ANKRD24: variants seen among roughly 807,000 people sequenced by gnomAD.
The protein encoded by ANKRD24 is ankyrin repeat domain-containing protein 24.
Under a neutral mutation model 127.8 loss-of-function variants are expected in ANKRD24, and 109 were observed. That is an observed-to-expected ratio of 0.85 (90% CI 0.73 to 1.00). ANKRD24 has a LOEUF of 1.00. Among genes scored for constraint, ANKRD24 ranks in the 50% least tolerant of loss-of-function variants. ANKRD24 has a pLI of 0.00. For synonymous variants in ANKRD24, 743 were observed against 671.1 expected, an observed-to-expected ratio of 1.11 and a Z score of -1.66; for missense variants, 1,648 against 1,570.2, an observed-to-expected ratio of 1.05 and a Z score of -0.84.
intron 14 of ANKRD24, 36 bp downstream of exon 14, chr19:4,212,549 C>T: frequency 6.5e-7 from 1 of 1,548,262 alleles, no homozygotes; most frequent in South Asian, 1.2e-5. Flanking sequence ...GGTCCTCCTG[C>T]TGCCCAGCCT....
chr19:4,193,760 C>T (rs1319425780), intron 2 of ANKRD24, among the ~76,000 whole-genome samples: 1 of 148,084 alleles, frequency 6.8e-6, no homozygotes, highest in Admixed American at 6.8e-5. Flanking sequence ...TCACTTGAAG[C>T]CGGGAGGTGG....
At chr19:4,218,914 T>C (rs575810138) in intron 18 of ANKRD24, among the ~76,000 whole-genome samples, 9 of 151,968 alleles carry the variant, frequency 5.9e-5, no homozygotes, top group Non-Finnish European at 1.3e-4. Context: ...ACCACAGGTG[T>C]GCACCACCAT....
intron 19 of ANKRD24, among the ~76,000 whole-genome samples, chr19:4,222,382 C>T (rs1970489830): frequency 6.6e-6 from 1 of 152,218 alleles, no homozygotes; most frequent in Non-Finnish European, 1.5e-5. Flanking sequence ...GAGCGAGACT[C>T]TGTCTCAAAA....
intron 11 of ANKRD24, among the ~76,000 whole-genome samples, chr19:4,209,637 G>T (rs1568331541): frequency 6.6e-6 from 1 of 151,672 alleles, no homozygotes; most frequent in Non-Finnish European, 1.5e-5. Context: ...TTTTAGTAGG[G>T]TCGGGGTTTC....
At chr19:4,220,945 G>A (rs1599471890) in intron 19 of ANKRD24, among the ~76,000 whole-genome samples, 1 of 150,854 alleles carries the variant, frequency 6.6e-6, no homozygotes, top group East Asian at 1.9e-4. Context: ...CACCCAGGCT[G>A]GAGTGCAGTG....
chr19:4,222,084 C>T (rs936875120), intron 19 of ANKRD24, among the ~76,000 whole-genome samples: 4 of 152,188 alleles, frequency 2.6e-5, no homozygotes, highest in Admixed American at 1.3e-4. Context: ...AGGATCACAG[C>T]AACTACTAAG....
chr19:4,217,797 C>T lies in ANKRD24; in HGVS notation c.2637C>T (p.Asp879=). Residue 879 remains aspartate, a synonymous_variant, in exon 18 of 22, where the codon GAC becomes GAT. Transcript: ENST00000318934. The stretch of plus-strand genomic sequence containing the variant: ...CCGCGGAACTGGGCCGGGCACGGGA[C>T]GCCGCTGAGGCCCGAGTGGCTGAGC... ...TAAAELGRAR[D]AAEARVAELP... 7.4e-7 allele frequency: 1 copy of T among 1,346,094 alleles called. No homozygotes were observed. The allele number at this position is 1,346,094 out of a possible 1,614,324, so 83.4% of individuals were successfully genotyped here. A position where few individuals can be genotyped will look rare whatever the true frequency, so the allele number is the denominator to read the frequency against.
At chr19:4,201,185 A>C (rs1324095610) in intron 5 of ANKRD24, among the ~76,000 whole-genome samples, 1 of 152,010 alleles carries the variant, frequency 6.6e-6, no homozygotes, top group Non-Finnish European at 1.5e-5. Flanking sequence ...TGGGGGGAAT[A>C]ACTGAGATAA....
intron 11 of ANKRD24, 198 bp downstream of exon 11, chr19:4,208,999 G>T (rs2145334962): frequency 3.0e-4 from 114 of 384,498 alleles, no homozygotes; most frequent in East Asian, 4.6e-4. Flanking sequence ...GAGAATACTG[G>T]ATGGGGCCAA....
intron 13 of ANKRD24, among the ~76,000 whole-genome samples, chr19:4,211,671 C>T (rs931624948): frequency 1.3e-5 from 2 of 151,884 alleles, no homozygotes; most frequent in Admixed American, 6.6e-5. Flanking sequence ...CAACAACAAA[C>T]AAAAACAATC....
At chr19:4,207,109 G>A (rs1464208397) in intron 7 of ANKRD24, 133 bp from the exon 8 acceptor site, 18 of 509,364 alleles carry the variant, frequency 3.5e-5, no homozygotes, top group Middle Eastern at 5.2e-4. Context: ...TTTTTGTAGA[G>A]ACAGGGTCTC....
chr19:4,202,215 C>T (rs556960673), intron 6 of ANKRD24, 125 bp downstream of exon 6: 1 of 843,496 alleles, frequency 1.2e-6, no homozygotes, highest in African/African-American at 1.7e-5. Context: ...CTCCAGAACC[C>T]TAGCTACTCC....
Position 4,224,658 on chromosome 19 carries a change from C to A in ANKRD24, c.*153C>A, listed in dbSNP as rs145452878. ...GCCTGGTTCCCTGCCCGACCACCCC[C>A]AGCTGGCTCCATCACCCCACCTGGT... On this transcript the variant is annotated 3_prime_UTR_variant, in exon 22 of 22. Coordinates refer to ENST00000318934, the MANE Select transcript of ANKRD24 (RefSeq NM_001393985.1). 4,237 of 712,796 alleles carry A rather than the reference C, an allele frequency of 5.9e-3. 129 individuals are homozygous for A. In the African/African-American group the frequency reaches 0.066, roughly 11 times the overall value. 44.2% of individuals were successfully genotyped at this position (712,796 alleles called of 1,614,324 possible).
intron 11 of ANKRD24, among the ~76,000 whole-genome samples, chr19:4,209,520 G>C (rs572230428): frequency 1.1e-4 from 16 of 152,012 alleles, no homozygotes; most frequent in Non-Finnish European, 1.9e-4. Flanking sequence ...CGTGATCTTG[G>C]CTCACTGCAA....
intron 15 of ANKRD24, among the ~76,000 whole-genome samples, chr19:4,214,812 C>A (rs1969965773): frequency 6.6e-6 from 1 of 152,158 alleles, no homozygotes. Flanking sequence ...CAAGATCACG[C>A]CACTGCACTC....
chr19:4,216,125 G>C (rs1970052647), intron 16 of ANKRD24, 75 bp downstream of exon 16: 1 of 1,482,480 alleles, frequency 6.7e-7, no homozygotes, highest in Non-Finnish European at 9.2e-7. Context: ...CTCTGGGTGT[G>C]GGGGAGTTTG....
At chr19:4,184,009 A>C (rs555173717) in intron 1 of ANKRD24, among the ~76,000 whole-genome samples, 1 of 152,232 alleles carries the variant, frequency 6.6e-6, no homozygotes, top group Non-Finnish European at 1.5e-5. Context: ...GGGAACAGCA[A>C]GTGCAAAGGC....
intron 1 of ANKRD24, among the ~76,000 whole-genome samples, chr19:4,183,703 T>G (rs997934927): frequency 6.6e-6 from 1 of 151,860 alleles, no homozygotes; most frequent in Non-Finnish European, 1.5e-5. Context: ...CACCTGAGAT[T>G]GGGAGTTCGA....
rs1968905871 is a variant in ANKRD24 at position 4,198,571 on chromosome 19, C to T, written c.37-1112C>T. ...AGGGGGCGCAGGAGCGGGCGGGGCG[C>T]GGGTACCTCCTCTCCCCTCCCTTCC... On this transcript the variant is annotated intron_variant, in intron 2 of 21. Transcript: ENST00000318934. This position sits in a 1 kb window ranked among gnomAD's most constrained non-coding sequence, Gnocchi z 6.1. The T allele has an allele frequency of 6.0e-6, 3 of 496,488 alleles. No individual in the cohort carries two copies. The highest frequency in any genetic ancestry group is 3.5e-5 in the East Asian group (1 of 28,712). 30.8% of individuals were successfully genotyped at this position (496,488 alleles called of 1,614,324 possible). A position where few individuals can be genotyped will look rare whatever the true frequency, so the allele number is the denominator to read the frequency against.
Sources: allele counts gnomAD v4.1 joint callset (sites outside exome capture counted in the v4.1 genomes callset), GRCh38; gene constraint gnomAD v4.1.1; non-coding constraint Gnocchi (gnomAD v3.1); transcripts MANE v1.5; gene names NCBI Gene and HGNC (gene_info 2026-07-23, HGNC 2026-07-21).